SH3TC2: variants seen among roughly 807,000 people sequenced by gnomAD.
SH3TC2 encodes the protein SH3 domain and tetratricopeptide repeat-containing protein 2.
A neutral mutation model predicts 124.5 loss-of-function variants in SH3TC2; 87 were observed. The observed-to-expected ratio is 0.70, with a 90% CI of 0.59 to 0.84. The LOEUF (loss-of-function observed/expected upper bound fraction) is 0.84, where lower values mean the gene tolerates loss of function less well. SH3TC2 is among the 40% of genes least tolerant of loss of function. The pLI is 0.00. For missense variants in SH3TC2, 1,536 were observed against 1,566.4 expected (o/e 0.98, Z 0.33); for synonymous variants, 634 against 628.5 (o/e 1.01, Z -0.13).
In SH3TC2 at chr5:149,063,044, C is replaced by T; in HGVS notation, c.-22G>A. The stretch of plus-strand genomic sequence containing the variant: ...CCATGTGTGTACCATCCTACCCTGG[C>T]CGAGGCCCTTGGGAACACAGGCCAG... On this transcript the variant is annotated 5_prime_UTR_variant, in exon 1 of 17. Transcript: ENST00000515425. 2 of 1,589,952 alleles carry T rather than the reference C, an allele frequency of 1.3e-6. No individual in the cohort carries two copies. The highest frequency in any genetic ancestry group is 1.7e-6 in the Non-Finnish European group (2 of 1,167,164).
chr5:149,012,989 G>A (rs1008398783), intron 12 of SH3TC2, among the ~76,000 whole-genome samples: 13 of 152,132 alleles, frequency 8.5e-5, no homozygotes, highest in Admixed American at 3.3e-4. Flanking sequence ...TTGTTGTGAG[G>A]ATGAAATTGA....
chr5:148,985,574 G>C lies in SH3TC2; in HGVS notation c.*19137C>G, dbSNP rs773138258. Among the ~76,000 whole-genome samples the C allele has an allele frequency of 6.6e-6, 1 of 152,170 alleles. No homozygotes were observed. The highest frequency in any genetic ancestry group is 1.5e-5 in the Non-Finnish European group (1 of 68,024). ...TTTTATTACTGAGTAGTATTCCACTGTATGAATACACCATAGTTTGTTTAT... is the reference window on the plus strand; with the variant it reads ...TTTTATTACTGAGTAGTATTCCACTCTATGAATACACCATAGTTTGTTTAT... On this transcript the variant is annotated 3_prime_UTR_variant, in exon 17 of 17. Transcript: ENST00000515425.
intron 8 of SH3TC2, among the ~76,000 whole-genome samples, chr5:149,033,482 G>T (rs1482863820): frequency 6.6e-6 from 1 of 152,198 alleles, no homozygotes; most frequent in East Asian, 1.9e-4. Context: ...ACCAAACCCA[G>T]ATTGGCAGGT....
chr5:149,046,593 A>T (rs1259234196), intron 3 of SH3TC2: 2 of 152,178 alleles, frequency 1.3e-5, no homozygotes, highest in Non-Finnish European at 2.9e-5. Context: ...AGGTTAAGTA[A>T]ATTGTCCAAG....
At chr5:149,047,200 T>C (rs1488846413) in intron 3 of SH3TC2, 1 of 153,168 alleles carries the variant, frequency 6.5e-6, no homozygotes, top group Non-Finnish European at 1.5e-5. Flanking sequence ...CTACCTACTA[T>C]GAAAGATGAG....
Position 148,992,602 on chromosome 5 carries a change from T to G in SH3TC2, c.*12109A>C, listed in dbSNP as rs891241884. On this transcript the variant is annotated 3_prime_UTR_variant, in exon 17 of 17. Coordinates refer to ENST00000515425, the MANE Select transcript of SH3TC2 (RefSeq NM_024577.4). ...AATTCCAAGAAGAGATTTCATTGGT[T>G]TTTTTTTTTTTTTTTTTTTTCAGAT... 1.0e-3 allele frequency among the ~76,000 whole-genome samples: 42 copies of G among 40,262 alleles called. No homozygotes were observed. The highest frequency in any genetic ancestry group is 6.2e-3 in the African/African-American group (38 of 6,120). The allele number at this position is 40,262 out of a possible 152,430, so 26.4% of individuals were successfully genotyped here.
Position 149,038,280 on chromosome 5 carries a change from A to T in SH3TC2, c.1001+15T>A. The T allele has an allele frequency of 6.2e-7, 1 of 1,611,262 alleles. No individual in the cohort carries two copies. The highest frequency in any genetic ancestry group is 8.5e-7 in the Non-Finnish European group (1 of 1,177,458). On this transcript the variant is annotated intron_variant, in intron 8 of 16. Transcript: ENST00000515425. ...GGGAGCCCAGCTCCAGGACATGCTC[A>T]CTGTCAATACTCACATTGGGGAATA...
intron 1 of SH3TC2, among the ~76,000 whole-genome samples, chr5:149,060,168 T>C (rs966173499): frequency 6.6e-6 from 1 of 152,230 alleles, no homozygotes; most frequent in Non-Finnish European, 1.5e-5. Context: ...AGGGCATAAA[T>C]CTGCCAAATT....
chr5:149,052,052 A>G (rs1381508216), intron 2 of SH3TC2, 90 bp downstream of exon 2: 6 of 934,108 alleles, frequency 6.4e-6, no homozygotes, highest in Non-Finnish European at 8.9e-6. Context: ...CAAGAGGGAA[A>G]GAGGGAGGGG....
At chr5:149,010,971 C>T (rs1023621288) in intron 13 of SH3TC2, among the ~76,000 whole-genome samples, 15 of 152,196 alleles carry the variant, frequency 9.9e-5, no homozygotes, top group African/African-American at 3.6e-4. Flanking sequence ...CAGTGGCAAA[C>T]AAATGTTGGT....
chr5:149,020,087 CAT>C (rs1249632643), intron 12 of SH3TC2, among the ~76,000 whole-genome samples: 2 of 142,442 alleles, frequency 1.4e-5, no homozygotes, highest in Non-Finnish European at 3.0e-5. Flanking sequence ...GTGGTGAAAA[CAT>C]GTGGAGCAAA....
At chr5:149,047,819 C>T in intron 3 of SH3TC2, 43 bp downstream of exon 3, 2 of 1,612,614 alleles carry the variant, frequency 1.2e-6, no homozygotes, top group Non-Finnish European at 1.7e-6. Flanking sequence ...AGCAGACTGA[C>T]ACAAGTCAGT....
chr5:149,015,390 A>G (rs1268041444), intron 12 of SH3TC2, among the ~76,000 whole-genome samples: 1 of 152,176 alleles, frequency 6.6e-6, no homozygotes, highest in African/African-American at 2.4e-5. Context: ...CTACCAGTTG[A>G]GCACCAGATG....
At chr5:149,018,077 T>C (rs1170974419) in intron 12 of SH3TC2, among the ~76,000 whole-genome samples, 2 of 152,278 alleles carry the variant, frequency 1.3e-5, no homozygotes, top group Non-Finnish European at 2.9e-5. Flanking sequence ...ATACACACTG[T>C]TTGGATATCA....
intron 1 of SH3TC2, 51 bp downstream of exon 1, chr5:149,062,920 G>A (rs771169565): frequency 5.9e-6 from 9 of 1,531,978 alleles, no homozygotes; most frequent in Middle Eastern, 1.7e-4. Context: ...GCCTCTACTG[G>A]ACCATCCACT....
At chr5:149,034,080 T>C (rs1470565440) in intron 8 of SH3TC2, among the ~76,000 whole-genome samples, 3 of 152,016 alleles carry the variant, frequency 2.0e-5, no homozygotes, top group Non-Finnish European at 2.9e-5. Context: ...AGAATTTATA[T>C]GAATGATTAA....
Position 149,024,248 on chromosome 5 carries a change from A to G in SH3TC2, c.3053+2324T>C, listed in dbSNP as rs536157479. ...CCATGTCAGCATATAGCTTCAGCTC[A>G]AGGGCTGTGAGCTAGTGAACTAAGT... is the stretch of plus-strand genomic sequence containing the variant. On this transcript the variant is annotated intron_variant, in intron 12 of 16. Coordinates refer to ENST00000515425, the MANE Select transcript of SH3TC2 (RefSeq NM_024577.4). Among the ~76,000 whole-genome samples the G allele has an allele frequency of 4.1e-4, 62 of 152,320 alleles. No homozygotes were observed. The South Asian group carries it at 0.011, about 28-fold the overall frequency.
At chr5:149,057,381 A>C (rs1754668164) in intron 1 of SH3TC2, among the ~76,000 whole-genome samples, 1 of 152,004 alleles carries the variant, frequency 6.6e-6, no homozygotes, top group Non-Finnish European at 1.5e-5. Context: ...TTGAATGATA[A>C]AGTCCCTCCT....
chr5:149,040,141 CT>C (rs767779117), intron 7 of SH3TC2, among the ~76,000 whole-genome samples: 3 of 152,092 alleles, frequency 2.0e-5, no homozygotes, highest in Non-Finnish European at 4.4e-5. Flanking sequence ...CAAATTTTTA[CT>C]GAGTACCCTT....
Sources: gnomAD v4.1 joint callset for allele counts (sites outside exome capture counted in the v4.1 genomes callset) on GRCh38, gnomAD v4.1.1 for gene constraint, MANE v1.5 for transcripts, NCBI Gene and HGNC (gene_info 2026-07-23, HGNC 2026-07-21) for gene names.